The following CKAP2L variants were observed in gnomAD, a reference collection of about 807,000 sequenced individuals.
CKAP2L encodes the protein cytoskeleton associated protein 2L, also known as cytoskeleton-associated protein 2-like.
A neutral mutation model predicts 65.7 loss-of-function variants in CKAP2L; 42 were observed. The observed-to-expected ratio is 0.64, with a 90% CI of 0.50 to 0.83. The LOEUF (loss-of-function observed/expected upper bound fraction) is 0.83. CKAP2L is among the 40% of genes least tolerant of loss of function. The pLI is 0.00. For synonymous variants in CKAP2L, 325 were observed against 313.5 expected, an observed-to-expected ratio of 1.04 and a Z score of -0.39; for missense variants, 908 against 871.0, an observed-to-expected ratio of 1.04 and a Z score of -0.53.
chr2:112,750,024 T>C (rs893622873), intron 5 of CKAP2L, among the ~76,000 whole-genome samples: 1 of 152,124 alleles, frequency 6.6e-6, no homozygotes, highest in Non-Finnish European at 1.5e-5. Flanking sequence ...ACCAAATGGA[T>C]AGCATCTTTT....
At chr2:112,753,950 T>C (rs966302583) in intron 4 of CKAP2L, among the ~76,000 whole-genome samples, 4 of 152,214 alleles carry the variant, frequency 2.6e-5, no homozygotes, top group African/African-American at 9.6e-5. Flanking sequence ...ATTTAGTCAA[T>C]GTGTTGGTTT....
chr2:112,752,351 T>G lies in CKAP2L; in HGVS notation c.1518A>C (p.Lys506Asn). 6.2e-7 allele frequency: 1 copy of G among 1,613,646 alleles called. No individual in the cohort carries two copies. The highest frequency in any genetic ancestry group is 8.5e-7 in the Non-Finnish European group (1 of 1,179,606). Residue 506 changes from lysine (K) to asparagine (N), a missense_variant, in exon 5 of 9, where the codon AAA (lysine) becomes AAC (asparagine). By Grantham distance (94) the Lys-to-Asn change is moderately conservative. Coordinates refer to ENST00000302450, the MANE Select transcript of CKAP2L (RefSeq NM_152515.5). ...GTTGTGCTTTCTTTTCTTCCTCTTC[T>G]TTTTCAATGCTCTTCCAGAATGAAA... The part of the protein sequence containing the change: ...MNISFWKSIE[K>N]EEEEKKAQLE...
chr2:112,757,596 G>C (rs1194430963), intron 3 of CKAP2L, among the ~76,000 whole-genome samples: 1 of 151,954 alleles, frequency 6.6e-6, no homozygotes, highest in Non-Finnish European at 1.5e-5. Flanking sequence ...CACCATATTG[G>C]CCAGGTTGGT....
At chr2:112,759,194 A>C (rs1324495297) in intron 3 of CKAP2L, among the ~76,000 whole-genome samples, 1 of 152,126 alleles carries the variant, frequency 6.6e-6, no homozygotes, top group Non-Finnish European at 1.5e-5. Flanking sequence ...GGTTTTCACA[A>C]GATAGTTTTG....
At chr2:112,744,229 TAAG>T (rs1345817254) in intron 6 of CKAP2L, among the ~76,000 whole-genome samples, 5 of 152,162 alleles carry the variant, frequency 3.3e-5, no homozygotes, top group Non-Finnish European at 5.9e-5. Flanking sequence ...ATAAAGGGAT[TAAG>T]AAGAGGCAAT....
Position 112,753,526 on chromosome 2 carries a change from C to CTTTT in CKAP2L, c.1395-1056_1395-1053dup, listed in dbSNP as rs59027525. Among the ~76,000 whole-genome samples the CTTTT allele has an allele frequency of 3.9e-3, 392 of 100,146 alleles. 2 individuals carry two copies. The highest frequency in any genetic ancestry group is 4.9e-3 in the Non-Finnish European group (249 of 51,144). The allele number at this position is 100,146 out of a possible 152,430, so 65.7% of individuals were successfully genotyped here. On this transcript the variant is annotated intron_variant, in intron 4 of 8. Transcript: ENST00000302450. ...CTCAGGTATCCTTAAAGTTTCTTTT[C>CTTTT]TTTTTTTTTTTTTTTTTTTTTGAGA...
chr2:112,739,902 C>A (rs1679765673), intron 8 of CKAP2L, among the ~76,000 whole-genome samples: 2 of 152,154 alleles, frequency 1.3e-5, no homozygotes, highest in South Asian at 4.1e-4. Flanking sequence ...AATCCTCCTG[C>A]CTCGGCCTAC....
At chr2:112,764,419 C>T in intron 1 of CKAP2L, 143 bp downstream of exon 1, 2 of 904,862 alleles carry the variant, frequency 2.2e-6, no homozygotes, top group South Asian at 1.4e-5. Context: ...CCCGTCTGCG[C>T]TCCCGGGATG....
intron 2 of CKAP2L, among the ~76,000 whole-genome samples, chr2:112,761,731 A>G (rs1306441549): frequency 6.6e-6 from 1 of 152,202 alleles, no homozygotes; most frequent in Non-Finnish European, 1.5e-5. Context: ...TCTACAGCAT[A>G]AGCCCTGGGA....
intron 6 of CKAP2L, among the ~76,000 whole-genome samples, chr2:112,746,011 G>A (rs1007739381): frequency 2.6e-5 from 4 of 152,156 alleles, no homozygotes; most frequent in African/African-American, 7.2e-5. Flanking sequence ...CTTACTGAAC[G>A]AAACTTATCA....
At chr2:112,747,330 G>A (rs1043787466) in intron 5 of CKAP2L, among the ~76,000 whole-genome samples, 9 of 148,308 alleles carry the variant, frequency 6.1e-5, no homozygotes, top group African/African-American at 2.3e-4. Context: ...TAAGAAATAT[G>A]TTCATTTTTA....
In CKAP2L at chr2:112,746,482, C is replaced by G; in HGVS notation, c.1696G>C (p.Ala566Pro). Residue 566 changes from alanine (A) to proline (P), a missense_variant, in exon 6 of 9, where the codon GCA (alanine) becomes CCA (proline). Physicochemically the swap from Ala to Pro is conservative, Grantham distance 27. Transcript: ENST00000302450. ...KFWICKAKLLASKGTFDVIGL... is the reference protein window; with the variant it reads ...KFWICKAKLLPSKGTFDVIGL... ...ATAACATCAAAGGTGCCTTTACTTG[C>G]CAACAACTTTGCTTTGCAGATCCAG... The G allele has an allele frequency of 6.2e-7, 1 of 1,613,314 alleles. No individual in the cohort carries two copies. Among genetic ancestry groups the G allele is most frequent in the Non-Finnish European group, 8.5e-7 (1 of 1,179,432 alleles).
Position 112,756,260 on chromosome 2 carries a change from T to C in CKAP2L, c.1111A>G (p.Lys371Glu). 10 of 1,614,172 alleles carry C rather than the reference T, an allele frequency of 6.2e-6. No individual in the cohort carries two copies. Among genetic ancestry groups the C allele is most frequent in the Non-Finnish European group, 8.5e-6 (10 of 1,180,016 alleles). Residue 371 changes from lysine to glutamate, a missense_variant, in exon 4 of 9, where the codon AAG (lysine) becomes GAG (glutamate). Transcript: ENST00000302450. Reference protein sequence around the residue: ...CIPQTSCVLQKSKAISQRPNL... With the variant: ...CIPQTSCVLQESKAISQRPNL... ...GGCCTCTGGCTTATGGCTTTTGACT[T>C]TTGCAGTACACATGATGTCTGAGGT...
In CKAP2L at chr2:112,737,244, T is replaced by C. The variant is rs957614046; in HGVS notation, c.*1579A>G. 1 of 152,136 alleles carries C rather than the reference T, an allele frequency of 6.6e-6. No homozygotes were observed. Among genetic ancestry groups the C allele is most frequent in the Non-Finnish European group, 1.5e-5 (1 of 68,022 alleles). The allele number at this position is 152,136 out of a possible 1,614,324, so 9.4% of individuals were successfully genotyped here. A position where few individuals can be genotyped will look rare whatever the true frequency, so the allele number is the denominator to read the frequency against. On this transcript the variant is annotated 3_prime_UTR_variant, in exon 9 of 9. Coordinates refer to ENST00000302450, the MANE Select transcript of CKAP2L (RefSeq NM_152515.5). Reference sequence around the variant, plus strand: ...GGTGATTTCATCTTCTTTGGGTACATACTTACTCAGAAGAGGGTCAGATAA... The same window carrying C: ...GGTGATTTCATCTTCTTTGGGTACACACTTACTCAGAAGAGGGTCAGATAA...
intron 5 of CKAP2L, among the ~76,000 whole-genome samples, chr2:112,749,359 T>C (rs939835177): frequency 6.6e-6 from 1 of 152,206 alleles, no homozygotes. Flanking sequence ...AAAGTAAAAA[T>C]TGACAGACAT....
intron 4 of CKAP2L, among the ~76,000 whole-genome samples, chr2:112,755,667 C>G (rs111978911): frequency 1.4e-3 from 214 of 152,070 alleles, no homozygotes; most frequent in Non-Finnish European, 2.5e-3. Context: ...TAGCACGGCA[C>G]TTATTGAACG....
At position 112,742,728 on chromosome 2, in the gene CKAP2L, T is replaced by C; in HGVS notation, c.1800A>G (p.Gln600=). 1 of 1,607,716 alleles carries C rather than the reference T, an allele frequency of 6.2e-7. No homozygotes were observed. Among genetic ancestry groups the C allele is most frequent in the South Asian group, 1.1e-5 (1 of 90,000 alleles). The change falls in exon 7 of 9, where the codon CAA becomes CAG. Residue 600 remains glutamine, a synonymous_variant. Coordinates refer to ENST00000302450, the MANE Select transcript of CKAP2L (RefSeq NM_152515.5). ...TACCTTCTGTGGTTCTGTTTGAGTC[T>C]TGCAAGATATTAAGAACAACTTTCC... The part of the protein sequence containing the change: ...ELRKVVLNIL[Q]DSNRTTEGIT...
At chr2:112,746,114 G>GA (rs980040007) in intron 6 of CKAP2L, among the ~76,000 whole-genome samples, 1 of 152,136 alleles carries the variant, frequency 6.6e-6, no homozygotes, top group African/African-American at 2.4e-5. Context: ...ACATGACATG[G>GA]AAAATGACAT....
chr2:112,757,534 G>A (rs1173026320), intron 3 of CKAP2L, among the ~76,000 whole-genome samples: 1 of 151,912 alleles, frequency 6.6e-6, no homozygotes, highest in East Asian at 1.9e-4. Context: ...GACTACAGGC[G>A]CATGTCACTA....
Sources: gnomAD v4.1 joint callset for allele counts (sites outside exome capture counted in the v4.1 genomes callset) on GRCh38, gnomAD v4.1.1 for gene constraint, MANE v1.5 for transcripts, NCBI Gene and HGNC (gene_info 2026-07-23, HGNC 2026-07-21) for gene names.